Variants in NFASC observed in about 807,000 individuals in gnomAD.
NFASC encodes neurofascin, also known as neurofascin homolog.
A neutral mutation model predicts 147.5 loss-of-function variants in NFASC; 43 were observed. The observed-to-expected ratio is 0.29, with a 90% CI of 0.23 to 0.38. The LOEUF (loss-of-function observed/expected upper bound fraction) is 0.38. Ranked by LOEUF, NFASC falls within the 10% of genes least tolerant of loss-of-function variation. NFASC has a pLI of 1.00. For missense variants in NFASC, 1,320 were observed against 1,689.0 expected (o/e 0.78, Z 3.83); for synonymous variants, 622 against 665.5 (o/e 0.93, Z 1.01).
At chr1:204,835,210 G>C (rs954834546) in intron 1 of NFASC, among the ~76,000 whole-genome samples, 19 of 147,152 alleles carry the variant, frequency 1.3e-4, no homozygotes, top group Non-Finnish European at 3.0e-5. Flanking sequence ...ACTTGAGGTG[G>C]GTCTTTTTTT....
At chr1:204,855,715 C>T (rs1409019145) in intron 1 of NFASC, among the ~76,000 whole-genome samples, 1 of 152,162 alleles carries the variant, frequency 6.6e-6, no homozygotes, top group East Asian at 1.9e-4. Context: ...GGACCTCACC[C>T]TCCAACCCTT....
intron 1 of NFASC, among the ~76,000 whole-genome samples, chr1:204,830,628 ATGTG>A (rs962419575): frequency 6.8e-6 from 1 of 147,088 alleles, no homozygotes; most frequent in Non-Finnish European, 1.5e-5. Context: ...GTGTGTTGTG[ATGTG>A]TGTGTGTGTT....
rs1336306260 is a variant in NFASC at position 204,859,486 on chromosome 1, A to G, written c.-200+30704A>G. Among the ~76,000 whole-genome samples the G allele has an allele frequency of 3.3e-5, 5 of 152,194 alleles. No homozygotes were observed. The East Asian group carries it at 9.6e-4, about 29-fold the overall frequency. ...TGTACCTCACTATACTGTAAGCTCC[A>G]TGGCAGGGATTCTGTCCTTAGTGCC... On this transcript the variant is annotated intron_variant, in intron 1 of 29. Transcript: ENST00000339876.
At chr1:204,993,407 T>C (rs1271079407) in intron 24 of NFASC, among the ~76,000 whole-genome samples, 1 of 152,244 alleles carries the variant, frequency 6.6e-6, no homozygotes, top group East Asian at 1.9e-4. Context: ...TGGTGGGCTC[T>C]TGATAGGTGC....
At chr1:204,839,977 G>A (rs1182107690) in intron 1 of NFASC, among the ~76,000 whole-genome samples, 1 of 152,176 alleles carries the variant, frequency 6.6e-6, no homozygotes, top group East Asian at 1.9e-4. Flanking sequence ...TGGGGAGTGA[G>A]TGGGCTGCAT....
intron 2 of NFASC, among the ~76,000 whole-genome samples, chr1:204,935,793 C>T (rs1307444366): frequency 6.6e-6 from 1 of 152,166 alleles, no homozygotes; most frequent in Non-Finnish European, 1.5e-5. Context: ...CTTAGCCTGG[C>T]GTGTTCCTCC....
At chr1:205,013,244 C>G (rs2096284853) in intron 29 of NFASC, among the ~76,000 whole-genome samples, 1 of 152,218 alleles carries the variant, frequency 6.6e-6, no homozygotes, top group Non-Finnish European at 1.5e-5. Flanking sequence ...GTGAGATGAG[C>G]TCAGCTCTCA....
At chr1:204,901,563 G>T (rs768140166) in intron 1 of NFASC, among the ~76,000 whole-genome samples, 1 of 152,214 alleles carries the variant, frequency 6.6e-6, no homozygotes, top group South Asian at 2.1e-4. Flanking sequence ...TTGAGTTGTG[G>T]TGGGGGAAAT....
At position 204,987,600 on chromosome 1, in the gene NFASC, C is replaced by G; in HGVS notation, c.2593+60C>G. 6.3e-7 allele frequency: 1 copy of G among 1,599,296 alleles called. No individual in the cohort carries two copies. Among genetic ancestry groups the G allele is most frequent in the East Asian group, 2.2e-5 (1 of 44,790 alleles). On this transcript the variant is annotated intron_variant, in intron 22 of 29. Coordinates refer to ENST00000339876, the MANE Select transcript of NFASC (RefSeq NM_001005388.3). This position sits in a 1 kb window ranked among gnomAD's most constrained non-coding sequence, Gnocchi z 4.4. The stretch of plus-strand genomic sequence containing the variant: ...TGGGAACCAGAAACCCCATTCTCAC[C>G]ACTTTTCCTAAGGACTCAAGGTAGA...
chr1:205,005,531 T>C (rs574285541), intron 27 of NFASC, among the ~76,000 whole-genome samples: 1 of 152,316 alleles, frequency 6.6e-6, no homozygotes, highest in South Asian at 2.1e-4. Context: ...CACCCTGGTC[T>C]TTGCACACAG....
In NFASC at chr1:204,944,365, G is replaced by A. The variant is rs2093566059; in HGVS notation, c.50G>A (p.Cys17Tyr). 1 of 1,604,504 alleles carries A rather than the reference G, an allele frequency of 6.2e-7. No individual in the cohort carries two copies. The highest frequency in any genetic ancestry group is 8.5e-7 in the Non-Finnish European group (1 of 1,174,470). The change falls in exon 3 of 30, where the codon TGC (cysteine) becomes TAC (tyrosine). Residue 17 changes from cysteine (C) to tyrosine (Y), a missense_variant. Around this residue, in one of 3 missense-constraint regions of NFASC, gnomAD observed 981 missense variants for 1,289.5 expected, o/e 0.76. Transcript: ENST00000339876. ...PPWVHAAFLL[C>Y]LLSLGGAIEI... is the part of the protein sequence containing the mutation. Reference sequence around the variant, plus strand: ...TGGGTCCATGCAGCCTTCCTCCTCTGCCTCCTCAGTCTTGGCGGAGCCATC... The same window carrying A: ...TGGGTCCATGCAGCCTTCCTCCTCTACCTCCTCAGTCTTGGCGGAGCCATC...
chr1:204,851,850 C>T (rs2075722971), intron 1 of NFASC, among the ~76,000 whole-genome samples: 2 of 152,006 alleles, frequency 1.3e-5, no homozygotes, highest in Non-Finnish European at 1.5e-5. Context: ...TTCTAAAATT[C>T]CCTTGGGGTG....
At chr1:204,890,951 C>G (rs1444255728) in intron 1 of NFASC, among the ~76,000 whole-genome samples, 2 of 152,170 alleles carry the variant, frequency 1.3e-5, no homozygotes, top group African/African-American at 2.4e-5. Flanking sequence ...ATGGTCTCAC[C>G]CTGGTAGTGG....
At chr1:204,897,957 C>T (rs1323501236) in intron 1 of NFASC, among the ~76,000 whole-genome samples, 1 of 152,128 alleles carries the variant, frequency 6.6e-6, no homozygotes, top group African/African-American at 2.4e-5. Context: ...AGGCTGGTCT[C>T]GAACTCCTCA....
At chr1:204,984,331 A>AGG (rs2095564325) in intron 21 of NFASC, 2 of 346,522 alleles carry the variant, frequency 5.8e-6, no homozygotes, top group Non-Finnish European at 1.1e-5. Flanking sequence ...TTATATATAT[A>AGG]TGTGTGTGTG....
chr1:204,848,100 G>T (rs769660481), intron 1 of NFASC, among the ~76,000 whole-genome samples: 15 of 152,194 alleles, frequency 9.9e-5, no homozygotes, highest in Non-Finnish European at 1.6e-4. Context: ...AAGGGCCCCA[G>T]GAGGGAAGCC....
intron 1 of NFASC, among the ~76,000 whole-genome samples, chr1:204,851,122 C>T (rs2102674475): frequency 6.6e-6 from 1 of 152,248 alleles, no homozygotes; most frequent in Non-Finnish European, 1.5e-5. Flanking sequence ...CAAAGAAGTG[C>T]ATGTAAATCA....
At chr1:204,956,350 G>T (rs1323825592) in intron 7 of NFASC, among the ~76,000 whole-genome samples, 1 of 152,116 alleles carries the variant, frequency 6.6e-6, no homozygotes, top group Admixed American at 6.5e-5. Context: ...CTGGCCCTCT[G>T]CCTCTCCAGC....
chr1:204,987,556 C>A lies in NFASC; in HGVS notation c.2593+16C>A. On this transcript the variant is annotated intron_variant, in intron 22 of 29. Transcript: ENST00000339876. This position sits in a 1 kb window ranked among gnomAD's most constrained non-coding sequence, Gnocchi z 4.4. ...TATGTGGCCTGTACGTTCTGCCCTT[C>A]CCTTTCTCTTAGATAATCTGGGAAC... 1.2e-6 allele frequency: 2 copies of A among 1,613,962 alleles called. No individual in the cohort carries two copies.
Sources: allele counts gnomAD v4.1 joint callset (sites outside exome capture counted in the v4.1 genomes callset), GRCh38; gene constraint gnomAD v4.1.1; regional missense constraint gnomAD v4.1.1; non-coding constraint Gnocchi (gnomAD v3.1); transcripts MANE v1.5; gene names NCBI Gene and HGNC (gene_info 2026-07-23, HGNC 2026-07-21).